DEPTOR: variants seen among roughly 807,000 people sequenced by gnomAD.
DEPTOR encodes DEP domain-containing mTOR-interacting protein.
Under a neutral mutation model 41.6 loss-of-function variants are expected in DEPTOR, and 41 were observed. That is an observed-to-expected ratio of 0.98 (90% CI 0.77 to 1.28). DEPTOR has a LOEUF of 1.28. Ranked by LOEUF, DEPTOR falls within the 50% of genes most tolerant of loss-of-function variation. The probability of loss-of-function intolerance (pLI) is 0.00; values close to 1 mark genes in which losing one functional copy is unlikely to be tolerated. For missense variants in DEPTOR, 514 were observed against 527.9 expected (o/e 0.97, Z 0.26); for synonymous variants, 195 against 192.3 (o/e 1.01, Z -0.12).
At chr8:119,882,183 G>A (rs116552756) in intron 1 of DEPTOR, among the ~76,000 whole-genome samples, 2,846 of 152,112 alleles carry the variant, frequency 0.019, 88 homozygotes, top group African/African-American at 0.064. Flanking sequence ...GAGCCACTGC[G>A]CTCGGCCTTG....
intron 1 of DEPTOR, among the ~76,000 whole-genome samples, chr8:119,899,092 TA>T (rs1169927012): frequency 6.6e-6 from 1 of 152,214 alleles, no homozygotes; most frequent in African/African-American, 2.4e-5. Flanking sequence ...ACTATAAATT[TA>T]AAAGTAGTAT....
chr8:120,027,863 T>C (rs558061303), intron 8 of DEPTOR, among the ~76,000 whole-genome samples: 1 of 152,212 alleles, frequency 6.6e-6, no homozygotes, highest in East Asian at 1.9e-4. Flanking sequence ...TTTTACTACA[T>C]GTCAGAATCA....
intron 4 of DEPTOR, among the ~76,000 whole-genome samples, chr8:119,999,137 C>T (rs1490481955): frequency 4.0e-5 from 6 of 151,530 alleles, no homozygotes. Flanking sequence ...GGTGTGGTGG[C>T]GCATGCCTGT....
chr8:120,041,748 G>C (rs903242638), intron 8 of DEPTOR, among the ~76,000 whole-genome samples: 4 of 152,080 alleles, frequency 2.6e-5, no homozygotes, highest in African/African-American at 7.2e-5. Context: ...ATGTTGGCCA[G>C]GCTGGTCTTG....
intron 3 of DEPTOR, among the ~76,000 whole-genome samples, chr8:119,950,622 A>G (rs1828340044): frequency 6.6e-6 from 1 of 151,400 alleles, no homozygotes; most frequent in African/African-American, 2.4e-5. Flanking sequence ...TTTGAGATGG[A>G]ATCTCTCTCT....
At chr8:119,966,399 G>A (rs1290485181) in intron 4 of DEPTOR, among the ~76,000 whole-genome samples, 2 of 152,218 alleles carry the variant, frequency 1.3e-5, no homozygotes, top group Non-Finnish European at 2.9e-5. Flanking sequence ...ACAAAAGGAT[G>A]TGCGTAGGTT....
intron 8 of DEPTOR, among the ~76,000 whole-genome samples, chr8:120,018,829 GCT>G (rs112176944): frequency 6.0e-4 from 91 of 152,280 alleles, no homozygotes; most frequent in African/African-American, 1.9e-3. Context: ...GCCCTTTTCT[GCT>G]CTGTGTCCTT....
At chr8:120,022,913 C>G (rs578083229) in intron 8 of DEPTOR, among the ~76,000 whole-genome samples, 1 of 152,270 alleles carries the variant, frequency 6.6e-6, no homozygotes, top group African/African-American at 2.4e-5. Flanking sequence ...CTGATCCAAC[C>G]CAAGTTAGAC....
chr8:119,934,132 C>T lies in DEPTOR; in HGVS notation c.425+4194C>T, dbSNP rs557417777. ...CTGGCCTCAAGTGATCTGTCCGCCT[C>T]GGACTCCCAAAGTGTTGGGATTATA... On this transcript the variant is annotated intron_variant, in intron 3 of 8. Coordinates refer to ENST00000286234, the MANE Select transcript of DEPTOR (RefSeq NM_022783.4). Among the ~76,000 whole-genome samples, 5 of 152,262 alleles carry T rather than the reference C, an allele frequency of 3.3e-5. No individual in the cohort carries two copies. In the South Asian group the frequency reaches 6.2e-4, roughly 19 times the overall value.
intron 1 of DEPTOR, among the ~76,000 whole-genome samples, chr8:119,895,213 T>G (rs1317970052): frequency 1.3e-5 from 2 of 152,234 alleles, no homozygotes; most frequent in Non-Finnish European, 2.9e-5. Flanking sequence ...GACTCATTAT[T>G]CTAGTGACTT....
At chr8:120,029,014 A>G (rs988627759) in intron 8 of DEPTOR, among the ~76,000 whole-genome samples, 4 of 151,758 alleles carry the variant, frequency 2.6e-5, no homozygotes, top group Non-Finnish European at 4.4e-5. Context: ...CAGAGGTTGT[A>G]GTGAGCTGAG....
intron 8 of DEPTOR, among the ~76,000 whole-genome samples, chr8:120,026,168 A>G (rs1487105709): frequency 6.6e-6 from 1 of 150,616 alleles, no homozygotes; most frequent in South Asian, 2.1e-4. Context: ...TTGTGTTTTT[A>G]ATATAGACGG....
At chr8:119,914,513 C>T (rs180998082) in intron 1 of DEPTOR, among the ~76,000 whole-genome samples, 1 of 152,072 alleles carries the variant, frequency 6.6e-6, no homozygotes, top group African/African-American at 2.4e-5. Flanking sequence ...GATCTTGGCT[C>T]ACGGCAACCT....
chr8:119,941,373 C>CA (rs749120675), intron 3 of DEPTOR, among the ~76,000 whole-genome samples: 15,805 of 38,624 alleles, frequency 0.41, 3,142 homozygotes, highest in South Asian at 0.54. Flanking sequence ...ATCTCCATCT[C>CA]AAAAAAAAAA....
chr8:120,001,203 G>A (rs1812344632), intron 4 of DEPTOR, among the ~76,000 whole-genome samples: 1 of 152,112 alleles, frequency 6.6e-6, no homozygotes, highest in Non-Finnish European at 1.5e-5. Flanking sequence ...AAAGAGAAGG[G>A]GCAGACAGTG....
intron 3 of DEPTOR, among the ~76,000 whole-genome samples, chr8:119,938,298 G>A (rs1003742712): frequency 1.3e-5 from 2 of 152,088 alleles, no homozygotes; most frequent in African/African-American, 2.4e-5. Context: ...ATTTGAAAAT[G>A]GATTATATGA....
At chr8:119,979,539 A>G (rs574320166) in intron 4 of DEPTOR, among the ~76,000 whole-genome samples, 2 of 152,278 alleles carry the variant, frequency 1.3e-5, no homozygotes, top group East Asian at 3.9e-4. Flanking sequence ...CTGGAATTAC[A>G]GGTGTGAGCT....
intron 1 of DEPTOR, among the ~76,000 whole-genome samples, chr8:119,927,103 C>A (rs539635093): frequency 6.6e-6 from 1 of 152,196 alleles, no homozygotes; most frequent in African/African-American, 2.4e-5. Context: ...GGAACAAGGA[C>A]AACATATGCA....
intron 3 of DEPTOR, among the ~76,000 whole-genome samples, chr8:119,947,996 C>G (rs1828304835): frequency 6.6e-6 from 1 of 152,138 alleles, no homozygotes; most frequent in Non-Finnish European, 1.5e-5. Context: ...CTCCTTGATC[C>G]TGTGTCCTCT....
Sources: gnomAD v4.1 joint callset for allele counts (sites outside exome capture counted in the v4.1 genomes callset) on GRCh38, gnomAD v4.1.1 for gene constraint, MANE v1.5 for transcripts, NCBI Gene and HGNC (gene_info 2026-07-23, HGNC 2026-07-21) for gene names.